DDR2: variants seen among roughly 807,000 people sequenced by gnomAD.
DDR2 encodes the protein discoidin domain receptor tyrosine kinase 2.
DDR2 carries 27 observed loss-of-function variants against 94.9 expected under a neutral mutation model. The ratio of observed to expected loss-of-function variants is 0.28; its 90% CI spans 0.21 to 0.39. The LOEUF is 0.39. Among genes scored for constraint, DDR2 ranks in the 10% least tolerant of loss-of-function variants. The probability of loss-of-function intolerance (pLI) is 1.00; values close to 1 mark genes in which losing one functional copy is unlikely to be tolerated. For synonymous variants in DDR2, 382 were observed against 377.2 expected (o/e 1.01, Z -0.15); for missense variants, 783 against 1,076.0 (o/e 0.73, Z 3.81).
intron 2 of DDR2, among the ~76,000 whole-genome samples, chr1:162,657,634 C>T (rs1658063069): frequency 6.6e-6 from 1 of 152,140 alleles, no homozygotes; most frequent in African/African-American, 2.4e-5. Flanking sequence ...AACTCTGACA[C>T]AGATATTGTA....
At chr1:162,689,105 G>T (rs1055718169) in intron 2 of DDR2, among the ~76,000 whole-genome samples, 1 of 152,212 alleles carries the variant, frequency 6.6e-6, no homozygotes, top group African/African-American at 2.4e-5. Flanking sequence ...ATCTCTGCAG[G>T]CTAGTGTCAC....
At chr1:162,741,280 AATAT>A (rs1662602036) in intron 3 of DDR2, among the ~76,000 whole-genome samples, 1 of 115,536 alleles carries the variant, frequency 8.7e-6, no homozygotes, top group African/African-American at 3.3e-5. Flanking sequence ...AATATAATAT[AATAT>A]AATATAATAT....
intron 2 of DDR2, among the ~76,000 whole-genome samples, chr1:162,684,812 A>AACACACACACACACACACACAC (rs56958157): frequency 7.2e-6 from 1 of 137,956 alleles, no homozygotes; most frequent in Admixed American, 7.3e-5. Context: ...CACACCCACC[A>AACACACACACACACACACACAC]ACACACACAC....
intron 3 of DDR2, among the ~76,000 whole-genome samples, chr1:162,750,418 C>T (rs1663126858): frequency 6.6e-6 from 1 of 152,084 alleles, no homozygotes; most frequent in Admixed American, 6.5e-5. Flanking sequence ...AATAAAATAC[C>T]TAGGAATCCA....
intron 3 of DDR2, among the ~76,000 whole-genome samples, chr1:162,726,379 A>G (rs1448466036): frequency 6.6e-6 from 1 of 151,996 alleles, no homozygotes; most frequent in African/African-American, 2.4e-5. Context: ...GTATCTTGGG[A>G]TAAAAGGGTT....
intron 3 of DDR2, among the ~76,000 whole-genome samples, chr1:162,747,982 C>A (rs935642741): frequency 1.3e-5 from 2 of 152,152 alleles, no homozygotes; most frequent in African/African-American, 2.4e-5. Flanking sequence ...GCCTGCCCTA[C>A]AAGAGCTCCT....
At chr1:162,694,144 T>C (rs1182986185) in intron 2 of DDR2, among the ~76,000 whole-genome samples, 2 of 152,290 alleles carry the variant, frequency 1.3e-5, no homozygotes, top group African/African-American at 4.8e-5. Flanking sequence ...ATTTGGGTAA[T>C]AGTTTCTTAA....
Position 162,780,408 on chromosome 1 carries a change from G to T in DDR2, c.*162G>T. On this transcript the variant is annotated 3_prime_UTR_variant, in exon 18 of 18. Coordinates refer to ENST00000367921, the MANE Select transcript of DDR2 (RefSeq NM_006182.4). ...CTGGTCACCCCCACTCCCTACCCCT[G>T]ACTCATATACACTTTTTTTTTTTTT... 3 of 800,276 alleles carry T rather than the reference G, an allele frequency of 3.7e-6. No homozygotes were observed. Among genetic ancestry groups the T allele is most frequent in the African/African-American group, 2.2e-5 (1 of 46,430 alleles). 49.6% of individuals were successfully genotyped at this position (800,276 alleles called of 1,614,324 possible). A position where few individuals can be genotyped will look rare whatever the true frequency, so the allele number is the denominator to read the frequency against.
chr1:162,673,376 G>T (rs1181948843), intron 2 of DDR2, among the ~76,000 whole-genome samples: 1 of 152,054 alleles, frequency 6.6e-6, no homozygotes, highest in Admixed American at 6.6e-5. Flanking sequence ...TTCACATAGG[G>T]CCGATTTCTC....
chr1:162,780,594 C>A lies in DDR2; in HGVS notation c.*348C>A. On this transcript the variant is annotated 3_prime_UTR_variant, in exon 18 of 18. Transcript: ENST00000367921. ...TGTGCTTATAAATGTGCAGATTCTACAATATTTTTCCATGTCATTCTAAAA... is the reference window on the plus strand; with the variant it reads ...TGTGCTTATAAATGTGCAGATTCTAAAATATTTTTCCATGTCATTCTAAAA... The A allele has an allele frequency of 4.6e-6, 1 of 215,570 alleles. No individual in the cohort carries two copies. Among genetic ancestry groups the A allele is most frequent in the Non-Finnish European group, 9.4e-6 (1 of 106,848 alleles). The allele number at this position is 215,570 out of a possible 1,614,324, so 13.4% of individuals were successfully genotyped here. A position where few individuals can be genotyped will look rare whatever the true frequency, so the allele number is the denominator to read the frequency against.
chr1:162,643,121 C>T (rs921432982), intron 1 of DDR2, among the ~76,000 whole-genome samples: 4 of 152,132 alleles, frequency 2.6e-5, no homozygotes, highest in African/African-American at 9.7e-5. Flanking sequence ...TCCTTCACAA[C>T]TTTCTGAAGT....
chr1:162,754,884 A>T (rs1663383129), intron 5 of DDR2, 29 bp downstream of exon 5: 1 of 1,612,598 alleles, frequency 6.2e-7, no homozygotes, highest in African/African-American at 1.3e-5. Context: ...CAGATCCTGG[A>T]TGTCCAAGAC....
In DDR2 at chr1:162,689,841, TTAAAAAA is replaced by T. The variant is rs1250907769; in HGVS notation, c.-27-29195_-27-29189del. Among the ~76,000 whole-genome samples, 26 of 14,698 alleles carry T rather than the reference TTAAAAAA, an allele frequency of 1.8e-3. 2 individuals carry two copies. The highest frequency in any genetic ancestry group is 3.4e-3 in the African/African-American group (22 of 6,476). 9.6% of individuals were successfully genotyped at this position (14,698 alleles called of 152,430 possible). ...CAACATGGTGAAACCCCATCTCTACTTAAAAAAAAAAAAAAAAAAAAAAAAATAGCCA... is the reference window on the plus strand; with the variant it reads ...CAACATGGTGAAACCCCATCTCTACTAAAAAAAAAAAAAAAAAAATAGCCA... On this transcript the variant is annotated intron_variant, in intron 2 of 17. Coordinates refer to ENST00000367921, the MANE Select transcript of DDR2 (RefSeq NM_006182.4).
At chr1:162,673,595 A>G (rs67254992) in intron 2 of DDR2, among the ~76,000 whole-genome samples, 5,179 of 105,182 alleles carry the variant, frequency 0.049, 299 homozygotes, top group African/African-American at 0.21. Flanking sequence ...GTGTGTGTGT[A>G]TGTGTGTGTG....
At chr1:162,680,027 G>C (rs893424763) in intron 2 of DDR2, among the ~76,000 whole-genome samples, 1 of 151,932 alleles carries the variant, frequency 6.6e-6, no homozygotes, top group Admixed American at 6.6e-5. Context: ...TATAGATTCT[G>C]GACATTAAGT....
intron 2 of DDR2, among the ~76,000 whole-genome samples, chr1:162,685,255 C>G (rs575924389): frequency 6.6e-6 from 1 of 152,144 alleles, no homozygotes; most frequent in Non-Finnish European, 1.5e-5. Context: ...ATATTTAGAA[C>G]AGAGTGAAGC....
At chr1:162,694,196 G>GTCA (rs1435255284) in intron 2 of DDR2, among the ~76,000 whole-genome samples, 1 of 152,028 alleles carries the variant, frequency 6.6e-6, no homozygotes, top group Non-Finnish European at 1.5e-5. Flanking sequence ...CTGATTTTAA[G>GTCA]TCACTGACTG....
chr1:162,690,159 T>G (rs1445515740), intron 2 of DDR2, among the ~76,000 whole-genome samples: 1 of 152,176 alleles, frequency 6.6e-6, no homozygotes, highest in Non-Finnish European at 1.5e-5. Context: ...CACTTTATGC[T>G]TGTAACTGCT....
At chr1:162,775,079 C>G (rs1647455467) in intron 14 of DDR2, among the ~76,000 whole-genome samples, 2 of 152,170 alleles carry the variant, frequency 1.3e-5, no homozygotes, top group Non-Finnish European at 1.5e-5. Flanking sequence ...ATTACCACCA[C>G]AGCCTTTAAA....
Sources: gnomAD v4.1 joint callset for allele counts (sites outside exome capture counted in the v4.1 genomes callset) on GRCh38, gnomAD v4.1.1 for gene constraint, MANE v1.5 for transcripts, NCBI Gene and HGNC (gene_info 2026-07-23, HGNC 2026-07-21) for gene names.